The following ABCC4 variants were observed in gnomAD, a reference collection of about 807,000 sequenced individuals.
ABCC4 encodes the protein ATP binding cassette subfamily C member 4 (PEL blood group), also known as ATP-binding cassette sub-family C member 4.
A neutral mutation model predicts 168.5 loss-of-function variants in ABCC4; 102 were observed. The ratio of observed to expected loss-of-function variants is 0.61; its 90% CI spans 0.52 to 0.71. The LOEUF (loss-of-function observed/expected upper bound fraction) is 0.71, where lower values mean the gene tolerates loss of function less well. Among genes scored for constraint, ABCC4 ranks in the 30% least tolerant of loss-of-function variants. The probability of loss-of-function intolerance (pLI) is 0.00; values close to 1 mark genes in which losing one functional copy is unlikely to be tolerated. For missense variants in ABCC4, 1,402 were observed against 1,605.8 expected, an observed-to-expected ratio of 0.87 and a Z score of 2.17; for synonymous variants, 617 against 590.7, an observed-to-expected ratio of 1.04 and a Z score of -0.65.
chr13:95,295,769 C>T (rs1025231446), intron 1 of ABCC4, among the ~76,000 whole-genome samples: 2 of 151,926 alleles, frequency 1.3e-5, no homozygotes, highest in African/African-American at 4.8e-5. Flanking sequence ...TCAAGACCAG[C>T]CTGGCCAACA....
chr13:95,191,864 C>T (rs138731825), intron 9 of ABCC4, among the ~76,000 whole-genome samples: 1 of 152,228 alleles, frequency 6.6e-6, no homozygotes, highest in Non-Finnish European at 1.5e-5. Context: ...CCCATCAAGG[C>T]CCTGGTTCTT....
chr13:95,066,423 G>A (rs1398951577), intron 25 of ABCC4, among the ~76,000 whole-genome samples: 2 of 152,120 alleles, frequency 1.3e-5, no homozygotes, highest in Non-Finnish European at 2.9e-5. Context: ...GGTGCTGTGG[G>A]CAGGGCCTAT....
intron 21 of ABCC4, 88 bp downstream of exon 21, chr13:95,083,052 T>C (rs1286735149): frequency 6.3e-6 from 9 of 1,420,854 alleles, no homozygotes; most frequent in Non-Finnish European, 7.7e-6. Flanking sequence ...GAAGACAGAG[T>C]CTGCCGAATT....
At chr13:95,260,527 G>A (rs536899625) in intron 1 of ABCC4, among the ~76,000 whole-genome samples, 1 of 152,308 alleles carries the variant, frequency 6.6e-6, no homozygotes, top group East Asian at 1.9e-4. Context: ...GGAAGTTGGA[G>A]AGGGTTTGGA....
At chr13:95,132,202 A>G (rs1311020045) in intron 19 of ABCC4, among the ~76,000 whole-genome samples, 5 of 152,046 alleles carry the variant, frequency 3.3e-5, no homozygotes, top group African/African-American at 7.2e-5. Flanking sequence ...ACATCCTCCA[A>G]TATAATTTTA....
At chr13:95,136,555 CA>C (rs2036150334) in intron 19 of ABCC4, among the ~76,000 whole-genome samples, 1 of 152,228 alleles carries the variant, frequency 6.6e-6, no homozygotes, top group Non-Finnish European at 1.5e-5. Context: ...CTAGTAGTGA[CA>C]GGAGCCTAAG....
chr13:95,164,424 T>G lies in ABCC4; in HGVS notation c.2129A>C (p.His710Pro). Residue 710 changes from histidine (H) to proline (P), a missense_variant, in exon 16 of 31, where the codon CAC becomes CCC. Coordinates refer to ENST00000645237, the MANE Select transcript of ABCC4 (RefSeq NM_005845.5). ...AYKNYFRAGA[H>P]WIVFIFLILL... ...AATAAGGAAAATGAAGACAATCCAG[T>G]GAGCACCAGCTCTGAAGTAATTCTT... is the stretch of plus-strand genomic sequence containing the variant. 1 of 1,614,182 alleles carries G rather than the reference T, an allele frequency of 6.2e-7. No individual in the cohort carries two copies. The highest frequency in any genetic ancestry group is 8.5e-7 in the Non-Finnish European group (1 of 1,180,032).
At chr13:95,128,734 C>G (rs1165859717) in intron 19 of ABCC4, among the ~76,000 whole-genome samples, 1 of 152,172 alleles carries the variant, frequency 6.6e-6, no homozygotes, top group East Asian at 1.9e-4. Flanking sequence ...AGTTGTCAAT[C>G]CAGCAAAAAT....
chr13:95,197,590 T>C (rs991224552), intron 8 of ABCC4, among the ~76,000 whole-genome samples: 1 of 152,174 alleles, frequency 6.6e-6, no homozygotes, highest in Admixed American at 6.5e-5. Context: ...GTGAAAAAGC[T>C]GAAATGACAT....
chr13:95,089,482 G>A (rs953198969), intron 20 of ABCC4, among the ~76,000 whole-genome samples: 7 of 152,118 alleles, frequency 4.6e-5, no homozygotes, highest in South Asian at 2.1e-4. Flanking sequence ...GCTAGGCGTG[G>A]TCACGGGCAC....
chr13:95,119,871 C>T (rs1361285937), intron 19 of ABCC4, among the ~76,000 whole-genome samples: 1 of 152,204 alleles, frequency 6.6e-6, no homozygotes, highest in East Asian at 1.9e-4. Flanking sequence ...GTGATGCAGT[C>T]ATTACCAAAA....
rs1465245162 is a variant in ABCC4, at chr13:95,083,133, T to C, written c.2686+7A>G. On this transcript the variant is annotated splice_region_variant and intron_variant, in intron 21 of 30. Transcript: ENST00000645237. ...ATGTCTATACCAACCCGAGTTTCCA[T>C]ACTCACTTGTAGATTCCAGGCGCTT... The C allele has an allele frequency of 1.9e-6, 3 of 1,613,418 alleles. No homozygotes were observed. The highest frequency in any genetic ancestry group is 1.7e-5 in the Admixed American group (1 of 59,906).
At chr13:95,224,081 A>C (rs2039383835) in intron 4 of ABCC4, among the ~76,000 whole-genome samples, 1 of 152,084 alleles carries the variant, frequency 6.6e-6, no homozygotes, top group South Asian at 2.1e-4. Flanking sequence ...TAATAAAAAG[A>C]ATCAAATCAA....
At chr13:95,064,254 GTGTGTGTATATATATATATATATATA>G (rs1478696043) in intron 25 of ABCC4, among the ~76,000 whole-genome samples, 4 of 23,690 alleles carry the variant, frequency 1.7e-4, no homozygotes, top group African/African-American at 5.5e-4. Flanking sequence ...GGGTGTGTGT[GTGTGTGTATATATATATATATATATA>G]TATATATATA....
rs530184685 is a variant in ABCC4 at position 95,212,157 on chromosome 13, A to G, written c.532-1376T>C. Among the ~76,000 whole-genome samples the G allele has an allele frequency of 1.0e-4, 14 of 139,798 alleles. No individual in the cohort carries two copies. The East Asian group carries it at 2.9e-3, about 29-fold the overall frequency. 91.7% of individuals were successfully genotyped at this position (139,798 alleles called of 152,430 possible). ...ACCACTGTACTCCAGTCTGGGTGAC[A>G]GAGTGAGACTGTCTCAAAAAAAAAA... On this transcript the variant is annotated intron_variant, in intron 4 of 30. Transcript: ENST00000645237.
intron 1 of ABCC4, among the ~76,000 whole-genome samples, chr13:95,286,682 C>T (rs1457629832): frequency 1.3e-5 from 2 of 151,984 alleles, no homozygotes; most frequent in Non-Finnish European, 2.9e-5. Flanking sequence ...TAAGGCCGGG[C>T]GCGGAGGCTC....
At chr13:95,107,286 A>G (rs1594106046) in intron 20 of ABCC4, among the ~76,000 whole-genome samples, 1 of 152,320 alleles carries the variant, frequency 6.6e-6, no homozygotes, top group Middle Eastern at 3.4e-3. Context: ...AAACTAGAGT[A>G]TTCAAAGTAT....
intron 5 of ABCC4, 67 bp from the exon 6 acceptor site, chr13:95,209,664 G>C: frequency 2.1e-6 from 3 of 1,423,196 alleles, no homozygotes; most frequent in Non-Finnish European, 2.8e-6. Flanking sequence ...ACACAGTACA[G>C]AAACGATCCA....
At position 95,074,257 on chromosome 13, in the gene ABCC4, C is replaced by T. The variant is rs2033822993; in HGVS notation, c.2874G>A (p.Met958Ile). The T allele has an allele frequency of 1.2e-6, 2 of 1,614,020 alleles. No homozygotes were observed. Among genetic ancestry groups the T allele is most frequent in the East Asian group, 2.2e-5 (1 of 44,860 alleles). Residue 958 changes from methionine (M) to isoleucine (I), a missense_variant, in exon 23 of 31, where the codon ATG becomes ATA. By Grantham distance (10) the Met-to-Ile change is conservative. Transcript: ENST00000645237. Reference protein sequence around the residue: ...FAVRLDAICAMFVIIVAFGSL... With the variant: ...FAVRLDAICAIFVIIVAFGSL... Reference sequence around the variant, plus strand: ...ACCCAAAGGCAACGATGATGACAAACATGGCACAGATGGCATCCAGACGGA... The same window carrying T: ...ACCCAAAGGCAACGATGATGACAAATATGGCACAGATGGCATCCAGACGGA...
Sources: gnomAD v4.1 joint callset for allele counts (sites outside exome capture counted in the v4.1 genomes callset) on GRCh38, gnomAD v4.1.1 for gene constraint, MANE v1.5 for transcripts, NCBI Gene and HGNC (gene_info 2026-07-23, HGNC 2026-07-21) for gene names.